SUGCT: variants seen among roughly 807,000 people sequenced by gnomAD.
SUGCT encodes succinyl-CoA:glutarate CoA-transferase.
A neutral mutation model predicts 55.0 loss-of-function variants in SUGCT; 41 were observed. The observed-to-expected ratio is 0.74, with a 90% CI of 0.58 to 0.97. SUGCT has a LOEUF of 0.97. SUGCT is among the 50% of genes least tolerant of loss of function. SUGCT has a pLI of 0.00. For missense variants in SUGCT, 568 were observed against 547.8 expected (o/e 1.04, Z -0.37); for synonymous variants, 187 against 200.4 (o/e 0.93, Z 0.56).
chr7:40,709,616 G>C (rs530132011), intron 12 of SUGCT, among the ~76,000 whole-genome samples: 67 of 152,324 alleles, frequency 4.4e-4, no homozygotes, highest in African/African-American at 1.6e-3. Flanking sequence ...AGTAACTGGA[G>C]AAGGACACAG....
At chr7:40,777,447 G>A (rs1584425673) in intron 13 of SUGCT, among the ~76,000 whole-genome samples, 1 of 151,374 alleles carries the variant, frequency 6.6e-6, no homozygotes, top group Admixed American at 6.6e-5. Context: ...ATGTTTCCAT[G>A]GTGGGTTTTT....
At chr7:40,514,549 A>G (rs1002580135) in intron 12 of SUGCT, among the ~76,000 whole-genome samples, 1 of 151,984 alleles carries the variant, frequency 6.6e-6, no homozygotes, top group African/African-American at 2.4e-5. Context: ...TGTCTATTAA[A>G]AAGACAAAAA....
chr7:40,546,424 A>T (rs1169042627), intron 12 of SUGCT, among the ~76,000 whole-genome samples: 1 of 152,210 alleles, frequency 6.6e-6, no homozygotes, highest in African/African-American at 2.4e-5. Context: ...TTAATAAAGT[A>T]ATTGATATTG....
intron 8 of SUGCT, among the ~76,000 whole-genome samples, chr7:40,314,559 C>T (rs1161094628): frequency 5.4e-4 from 59 of 108,704 alleles, no homozygotes; most frequent in Non-Finnish European, 5.6e-4. Flanking sequence ...TCCCTTGTGT[C>T]TTTTTTTTTT....
At chr7:40,584,122 A>C (rs1797248508) in intron 12 of SUGCT, among the ~76,000 whole-genome samples, 1 of 152,164 alleles carries the variant, frequency 6.6e-6, no homozygotes, top group East Asian at 1.9e-4. Context: ...CACTTGTTTT[A>C]TCAAGTTAAC....
intron 13 of SUGCT, among the ~76,000 whole-genome samples, chr7:40,820,574 A>C (rs564106915): frequency 2.8e-4 from 42 of 152,194 alleles, no homozygotes; most frequent in Middle Eastern, 3.4e-3. Context: ...TTTGTCTGTT[A>C]TTGGTGTATA....
chr7:40,659,334 G>A (rs1488368474), intron 12 of SUGCT, among the ~76,000 whole-genome samples: 1 of 152,108 alleles, frequency 6.6e-6, no homozygotes, highest in Non-Finnish European at 1.5e-5. Context: ...CTGCTTCCAA[G>A]GTAGCTCACT....
At chr7:40,708,050 G>C (rs1785512669) in intron 12 of SUGCT, among the ~76,000 whole-genome samples, 1 of 152,166 alleles carries the variant, frequency 6.6e-6, no homozygotes, top group Non-Finnish European at 1.5e-5. Context: ...AAATGAAATA[G>C]AGATAAGTCA....
chr7:40,934,687 C>T, the SUGCT span, among the ~76,000 whole-genome samples: 14 of 151,894 alleles, frequency 9.2e-5, no homozygotes, highest in Non-Finnish European at 1.6e-4. Context: ...GCTTGCAGGT[C>T]GATCTCAGAC....
chr7:40,379,332 T>G (rs1420964394), intron 9 of SUGCT, among the ~76,000 whole-genome samples: 1 of 152,208 alleles, frequency 6.6e-6, no homozygotes, highest in Admixed American at 6.5e-5. Flanking sequence ...TGCAGTCTAG[T>G]CTAGTCTTTG....
chr7:40,556,547 A>T (rs1232190999), intron 12 of SUGCT, among the ~76,000 whole-genome samples: 3 of 152,200 alleles, frequency 2.0e-5, no homozygotes, highest in Non-Finnish European at 4.4e-5. Flanking sequence ...GTGTTGTGTG[A>T]ATATTTGTAG....
intron 12 of SUGCT, among the ~76,000 whole-genome samples, chr7:40,587,665 A>G (rs2151725936): frequency 6.6e-6 from 1 of 152,274 alleles, no homozygotes; most frequent in South Asian, 2.1e-4. Context: ...ATGATTGGTA[A>G]GATGTCATAT....
intron 13 of SUGCT, among the ~76,000 whole-genome samples, chr7:40,787,557 T>C (rs1191731547): frequency 6.6e-6 from 1 of 150,806 alleles, no homozygotes; most frequent in Admixed American, 6.7e-5. Flanking sequence ...GCTAGCAATC[T>C]TGGGATCTAA....
intron 9 of SUGCT, among the ~76,000 whole-genome samples, chr7:40,322,891 G>C (rs1220925318): frequency 6.6e-6 from 1 of 151,888 alleles, no homozygotes; most frequent in Non-Finnish European, 1.5e-5. Flanking sequence ...ACCTGACTTG[G>C]AAGGTTGAGG....
intron 12 of SUGCT, among the ~76,000 whole-genome samples, chr7:40,607,128 A>G (rs1289920069): frequency 1.3e-5 from 2 of 149,532 alleles, no homozygotes; most frequent in Admixed American, 1.3e-4. Context: ...TTTTTGAGAC[A>G]GAGTGTCACT....
the SUGCT span, among the ~76,000 whole-genome samples, chr7:40,934,487 C>T: frequency 8.5e-5 from 13 of 152,182 alleles, no homozygotes; most frequent in Admixed American, 1.3e-4. Flanking sequence ...TGTCAGACAG[C>T]GATGTTTAAG....
intron 10 of SUGCT, 41 bp from the exon 11 acceptor site, chr7:40,459,060 C>A (rs772603154): frequency 2.1e-5 from 28 of 1,326,654 alleles, no homozygotes; most frequent in Non-Finnish European, 2.9e-5. Context: ...GGTACAAGAA[C>A]TACCTATTTC....
chr7:40,531,970 G>A (rs1177235971), intron 12 of SUGCT, among the ~76,000 whole-genome samples: 7 of 152,100 alleles, frequency 4.6e-5, no homozygotes, highest in East Asian at 3.9e-4. Context: ...CACCGCGCCC[G>A]GCCATATATA....
the SUGCT span, among the ~76,000 whole-genome samples, chr7:40,922,588 G>A: frequency 1.3e-5 from 2 of 152,216 alleles, no homozygotes; most frequent in Non-Finnish European, 2.9e-5. Context: ...TCTTTACTGA[G>A]AGTGTAGAAA....
Sources: allele counts gnomAD v4.1 joint callset (sites outside exome capture counted in the v4.1 genomes callset), GRCh38; gene constraint gnomAD v4.1.1; transcripts MANE v1.5; gene names NCBI Gene and HGNC (gene_info 2026-07-23, HGNC 2026-07-21).